Variants in GAB2 observed in about 807,000 individuals in gnomAD.
GAB2 encodes the protein GRB2-associated-binding protein 2.
A neutral mutation model predicts 65.5 loss-of-function variants in GAB2; 26 were observed. The ratio of observed to expected loss-of-function variants is 0.40; its 90% CI spans 0.29 to 0.55. The LOEUF is 0.55. GAB2 is among the 20% of genes least tolerant of loss of function. The probability of loss-of-function intolerance (pLI) is 0.53; values close to 1 mark genes in which losing one functional copy is unlikely to be tolerated. For missense variants in GAB2, 884 were observed against 875.8 expected, an observed-to-expected ratio of 1.01 and a Z score of -0.12; for synonymous variants, 321 against 329.6, an observed-to-expected ratio of 0.97 and a Z score of 0.28.
At chr11:78,240,016 CA>C (rs1213650488) in intron 3 of GAB2, among the ~76,000 whole-genome samples, 2 of 151,866 alleles carry the variant, frequency 1.3e-5, no homozygotes, top group African/African-American at 2.4e-5. Flanking sequence ...ACACCCTTCC[CA>C]GGGGGGTCAA....
intron 1 of GAB2, among the ~76,000 whole-genome samples, chr11:78,345,403 G>A (rs1386057250): frequency 2.0e-5 from 3 of 152,180 alleles, no homozygotes; most frequent in Non-Finnish European, 4.4e-5. Flanking sequence ...GCAATCCTGC[G>A]AAGGTTTAGG....
At chr11:78,219,895 T>C (rs1032386737) in intron 9 of GAB2, among the ~76,000 whole-genome samples, 2 of 152,162 alleles carry the variant, frequency 1.3e-5, no homozygotes, top group Non-Finnish European at 2.9e-5. Context: ...GGATGCCTCC[T>C]GGGGAGGCTT....
chr11:78,277,086 G>A (rs1866193024), intron 2 of GAB2, among the ~76,000 whole-genome samples: 1 of 152,090 alleles, frequency 6.6e-6, no homozygotes, highest in South Asian at 2.1e-4. Flanking sequence ...CAAAGTGCTG[G>A]GATTACAGGC....
At chr11:78,323,280 C>G (rs183110002) in intron 1 of GAB2, among the ~76,000 whole-genome samples, 2 of 152,028 alleles carry the variant, frequency 1.3e-5, no homozygotes, top group East Asian at 3.9e-4. Context: ...GAGACTGAGA[C>G]GGGACGATCA....
At chr11:78,281,046 T>C (rs537626412) in intron 1 of GAB2, 145 bp from the exon 2 acceptor site, 11 of 666,376 alleles carry the variant, frequency 1.7e-5, no homozygotes, top group African/African-American at 1.4e-4. Flanking sequence ...CTTGAACTCC[T>C]GGGCTCAAGC....
At chr11:78,312,062 C>A (rs1855510525) in intron 1 of GAB2, among the ~76,000 whole-genome samples, 1 of 152,088 alleles carries the variant, frequency 6.6e-6, no homozygotes, top group Non-Finnish European at 1.5e-5. Flanking sequence ...TTGAAAACAG[C>A]CCTTTTTCTA....
At chr11:78,406,662 G>A (rs1387847886) in intron 1 of GAB2, among the ~76,000 whole-genome samples, 1 of 152,100 alleles carries the variant, frequency 6.6e-6, no homozygotes, top group Non-Finnish European at 1.5e-5. Flanking sequence ...ACATGTGTGA[G>A]CCAAAAATGT....
chr11:78,228,382 A>G (rs1864749245), intron 3 of GAB2, among the ~76,000 whole-genome samples: 1 of 152,234 alleles, frequency 6.6e-6, no homozygotes, highest in South Asian at 2.1e-4. Context: ...TTTGGAGGCT[A>G]TAGGAGTTTT....
intron 4 of GAB2, among the ~76,000 whole-genome samples, chr11:78,225,677 A>G (rs552304833): frequency 6.6e-6 from 1 of 152,354 alleles, no homozygotes; most frequent in African/African-American, 2.4e-5. Flanking sequence ...AAAGACGGCA[A>G]AGAGGTCTAA....
At chr11:78,415,668 G>C (rs1857185939) in intron 1 of GAB2, among the ~76,000 whole-genome samples, 1 of 152,222 alleles carries the variant, frequency 6.6e-6, no homozygotes, top group African/African-American at 2.4e-5. Flanking sequence ...GTACATGGAA[G>C]ATGGGAAAGA....
intron 2 of GAB2, among the ~76,000 whole-genome samples, chr11:78,263,093 TA>T (rs1456332039): frequency 6.6e-6 from 1 of 152,228 alleles, no homozygotes; most frequent in African/African-American, 2.4e-5. Flanking sequence ...CTGGTTTGCA[TA>T]AACATGTCCT....
chr11:78,236,255 G>A (rs1483972291), intron 3 of GAB2, among the ~76,000 whole-genome samples: 1 of 152,166 alleles, frequency 6.6e-6, no homozygotes, highest in Non-Finnish European at 1.5e-5. Context: ...ACTGCATACT[G>A]TAAAACTTAT....
chr11:78,280,915 G>T lies in GAB2; in HGVS notation c.76-14C>A. 1 of 1,607,064 alleles carries T rather than the reference G, an allele frequency of 6.2e-7. No individual in the cohort carries two copies. The highest frequency in any genetic ancestry group is 8.5e-7 in the Non-Finnish European group (1 of 1,174,474). On this transcript the variant is annotated splice_polypyrimidine_tract_variant and intron_variant, in intron 1 of 9. Transcript: ENST00000361507. ...TTTCTTCCAGGCCTAAATCATATCA[G>T]GAAGGAGTAAGAAGAGGGGGAAGAA...
chr11:78,271,399 G>C (rs1017793599), intron 2 of GAB2, among the ~76,000 whole-genome samples: 2 of 152,228 alleles, frequency 1.3e-5, no homozygotes, highest in African/African-American at 4.8e-5. Context: ...TCCTGAAACT[G>C]CTTTTCCTTC....
intron 1 of GAB2, chr11:78,318,303 G>C (rs1294909822): frequency 6.8e-6 from 1 of 147,002 alleles, no homozygotes; most frequent in African/African-American, 2.6e-5. Context: ...TCAGGGTCCT[G>C]GAACAGTCCA....
intron 1 of GAB2, among the ~76,000 whole-genome samples, chr11:78,314,712 T>C (rs1404404678): frequency 2.6e-5 from 4 of 152,212 alleles, no homozygotes; most frequent in African/African-American, 7.2e-5. Flanking sequence ...ACATGCTTAC[T>C]TTAAATCCCG....
At chr11:78,324,096 C>G (rs1855779646) in intron 1 of GAB2, among the ~76,000 whole-genome samples, 1 of 151,988 alleles carries the variant, frequency 6.6e-6, no homozygotes, top group South Asian at 2.1e-4. Flanking sequence ...CCATGCCTGA[C>G]TCCCTCTGAA....
At chr11:78,244,158 A>C (rs1284299439) in intron 3 of GAB2, among the ~76,000 whole-genome samples, 1 of 151,114 alleles carries the variant, frequency 6.6e-6, no homozygotes, top group Non-Finnish European at 1.5e-5. Flanking sequence ...GGGCAGATTC[A>C]AGATGGGCAG....
chr11:78,383,353 C>T (rs536148105), intron 1 of GAB2, among the ~76,000 whole-genome samples: 4 of 151,980 alleles, frequency 2.6e-5, no homozygotes, highest in Non-Finnish European at 5.9e-5. Flanking sequence ...ACTACCATTT[C>T]CATGAAAAGT....
Sources: allele counts gnomAD v4.1 joint callset (sites outside exome capture counted in the v4.1 genomes callset), GRCh38; gene constraint gnomAD v4.1.1; transcripts MANE v1.5; gene names NCBI Gene and HGNC (gene_info 2026-07-23, HGNC 2026-07-21).